CRPPA: variants seen among roughly 807,000 people sequenced by gnomAD.
CRPPA encodes D-ribitol-5-phosphate cytidylyltransferase.
In CRPPA, 43 loss-of-function variants were observed where a neutral mutation model predicts 52.0. The ratio of observed to expected loss-of-function variants is 0.83; its 90% CI spans 0.65 to 1.07. The LOEUF (loss-of-function observed/expected upper bound fraction) is 1.07. CRPPA is among the 50% of genes least tolerant of loss of function. CRPPA has a pLI of 0.00. For synonymous variants in CRPPA, 250 were observed against 203.5 expected, an observed-to-expected ratio of 1.23 and a Z score of -1.94; for missense variants, 629 against 551.7, an observed-to-expected ratio of 1.14 and a Z score of -1.40.
In CRPPA at chr7:16,297,117, AAAGACAATG is replaced by A. The variant is rs1469689865; in HGVS notation, c.835+4295_835+4303del. Among the ~76,000 whole-genome samples the A allele has an allele frequency of 3.3e-5, 5 of 152,170 alleles. No homozygotes were observed. The East Asian group carries it at 9.6e-4, about 29-fold the overall frequency. On this transcript the variant is annotated intron_variant, in intron 5 of 9. Coordinates refer to ENST00000407010, the MANE Select transcript of CRPPA (RefSeq NM_001101426.4). ...CATATCCTAGAGTCGAGTCAAACTT[AAAGACAATG>A]TAGACCTGAGCTTAAATAATGGATC...
chr7:16,287,601 G>T (rs528054210), intron 5 of CRPPA, among the ~76,000 whole-genome samples: 1 of 152,040 alleles, frequency 6.6e-6, no homozygotes. Context: ...AGGTCATTAG[G>T]GTAGGCCCTT....
intron 1 of CRPPA, among the ~76,000 whole-genome samples, chr7:16,410,272 G>A (rs898425544): frequency 4.6e-5 from 7 of 152,252 alleles, no homozygotes; most frequent in African/African-American, 7.2e-5. Flanking sequence ...GTAGTAAACT[G>A]TACAGGCAAT....
chr7:16,183,420 T>A (rs977755675), intron 9 of CRPPA, among the ~76,000 whole-genome samples: 4 of 152,172 alleles, frequency 2.6e-5, no homozygotes, highest in Non-Finnish European at 5.9e-5. Flanking sequence ...CACACAGTTA[T>A]CAGCTCATTT....
intron 3 of CRPPA, among the ~76,000 whole-genome samples, chr7:16,314,936 G>A (rs10260790): frequency 6.6e-6 from 1 of 152,050 alleles, no homozygotes; most frequent in Non-Finnish European, 1.5e-5. Context: ...TTGATTTGGA[G>A]AAATTTCCAG....
At chr7:16,400,069 G>A (rs755668864) in intron 2 of CRPPA, among the ~76,000 whole-genome samples, 18 of 151,878 alleles carry the variant, frequency 1.2e-4, no homozygotes, top group East Asian at 9.7e-4. Flanking sequence ...GCACGTGATC[G>A]GCAACGTGTA....
intron 8 of CRPPA, among the ~76,000 whole-genome samples, chr7:16,256,114 C>G (rs569933427): frequency 6.6e-6 from 1 of 152,190 alleles, no homozygotes; most frequent in South Asian, 2.1e-4. Flanking sequence ...TCAAACAACC[C>G]CATAAAAAAT....
intron 3 of CRPPA, among the ~76,000 whole-genome samples, chr7:16,349,493 G>T (rs1351065400): frequency 6.6e-6 from 1 of 152,200 alleles, no homozygotes; most frequent in Admixed American, 6.5e-5. Context: ...TTACCTGACA[G>T]GGAATTTAGA....
chr7:16,393,780 C>T (rs188433020), intron 2 of CRPPA, among the ~76,000 whole-genome samples: 9 of 151,688 alleles, frequency 5.9e-5, no homozygotes, highest in East Asian at 5.8e-4. Flanking sequence ...TTAAGCATTC[C>T]GGATGAAAGA....
intron 2 of CRPPA, among the ~76,000 whole-genome samples, chr7:16,400,289 C>G (rs1787774702): frequency 6.6e-6 from 1 of 152,168 alleles, no homozygotes; most frequent in African/African-American, 2.4e-5. Context: ...GTGACATGAC[C>G]AATGAGACAC....
chr7:16,302,858 T>G (rs1257060235), intron 4 of CRPPA, among the ~76,000 whole-genome samples: 1 of 152,172 alleles, frequency 6.6e-6, no homozygotes, highest in African/African-American at 2.4e-5. Context: ...TTTTTCATTA[T>G]AGAGTGTTGT....
At chr7:16,226,671 TA>T (rs1447935663) in intron 8 of CRPPA, among the ~76,000 whole-genome samples, 1 of 151,928 alleles carries the variant, frequency 6.6e-6, no homozygotes, top group Non-Finnish European at 1.5e-5. Flanking sequence ...ATAAAAGAAA[TA>T]CAACTTTTTG....
chr7:16,185,147 A>T (rs1421339643), intron 9 of CRPPA, among the ~76,000 whole-genome samples: 2 of 152,222 alleles, frequency 1.3e-5, no homozygotes, highest in African/African-American at 4.8e-5. Context: ...AATTGGACTT[A>T]CAGTTCCACA....
chr7:16,319,599 T>C (rs1785214241), intron 3 of CRPPA, among the ~76,000 whole-genome samples: 1 of 152,168 alleles, frequency 6.6e-6, no homozygotes, highest in African/African-American at 2.4e-5. Context: ...TAGGTCTTTC[T>C]TCCTACACTG....
intron 1 of CRPPA, among the ~76,000 whole-genome samples, chr7:16,413,729 GT>G (rs1001768129): frequency 2.0e-4 from 31 of 152,208 alleles, no homozygotes; most frequent in African/African-American, 6.5e-4. Flanking sequence ...ATGGACAAAA[GT>G]TTTTTTAAAA....
Position 16,365,517 on chromosome 7 carries a change from A to C in CRPPA, c.684+10575T>G, listed in dbSNP as rs185923203. On this transcript the variant is annotated intron_variant, in intron 3 of 9. Transcript: ENST00000407010. The stretch of plus-strand genomic sequence containing the variant: ...TGTGGTAGTATCACAGGAGACAGTG[A>C]ATAATGAACCCAGAAATAAATCTAC... Among the ~76,000 whole-genome samples the C allele has an allele frequency of 6.6e-5, 10 of 152,340 alleles. No individual in the cohort carries two copies. The East Asian group carries it at 1.7e-3, about 26-fold the overall frequency.
rs984451196 is a variant in CRPPA, at chr7:16,400,857, T to C, written c.534+5204A>G. Among the ~76,000 whole-genome samples the C allele has an allele frequency of 3.3e-5, 5 of 152,182 alleles. 1 individual carries two copies. The South Asian group carries it at 1.0e-3, about 32-fold the overall frequency. On this transcript the variant is annotated intron_variant, in intron 2 of 9. Coordinates refer to ENST00000407010, the MANE Select transcript of CRPPA (RefSeq NM_001101426.4). Reference sequence around the variant, plus strand: ...AAGTTATACCTTTGTAATTACAGTTTTAATTACAAAGGATACAACTGCTAA... The same window carrying C: ...AAGTTATACCTTTGTAATTACAGTTCTAATTACAAAGGATACAACTGCTAA...
intron 3 of CRPPA, among the ~76,000 whole-genome samples, chr7:16,329,398 C>T (rs938144133): frequency 4.6e-5 from 7 of 152,110 alleles, no homozygotes; most frequent in Admixed American, 3.3e-4. Context: ...AAGTGCATGG[C>T]CCTGGAAGCC....
chr7:16,413,986 A>G (rs568104873), intron 1 of CRPPA, among the ~76,000 whole-genome samples: 1 of 152,368 alleles, frequency 6.6e-6, no homozygotes, highest in South Asian at 2.1e-4. Context: ...AGATTAACAT[A>G]CAATGATACA....
chr7:16,357,819 T>C (rs142113529), intron 3 of CRPPA, among the ~76,000 whole-genome samples: 1 of 152,114 alleles, frequency 6.6e-6, no homozygotes, highest in Non-Finnish European at 1.5e-5. Context: ...TGAAGGAACA[T>C]ACCCTCTCCA....
Sources: allele counts gnomAD v4.1 joint callset (sites outside exome capture counted in the v4.1 genomes callset), GRCh38; gene constraint gnomAD v4.1.1; transcripts MANE v1.5; gene names NCBI Gene and HGNC (gene_info 2026-07-23, HGNC 2026-07-21).